Variants in CDK5RAP1 observed in about 807,000 individuals in gnomAD.
CDK5RAP1 encodes the protein CDK5RAP1 mitochondrial tRNA methylthiotransferase.
CDK5RAP1 carries 62 observed loss-of-function variants against 64.5 expected under a neutral mutation model. The observed-to-expected ratio is 0.96, with a 90% confidence interval of 0.78 to 1.19. CDK5RAP1 has a LOEUF of 1.19. Among genes scored for constraint, CDK5RAP1 ranks in the 50% most tolerant of loss-of-function variants. The pLI, the probability that CDK5RAP1 is intolerant of heterozygous loss-of-function variation, is 0.00. For missense variants in CDK5RAP1, 657 were observed against 735.0 expected, an observed-to-expected ratio of 0.89 and a Z score of 1.23; for synonymous variants, 250 against 261.9, an observed-to-expected ratio of 0.95 and a Z score of 0.44.
intron 11 of CDK5RAP1, 25 bp downstream of exon 11, chr20:33,370,474 A>C: frequency 6.2e-7 from 1 of 1,613,226 alleles, no homozygotes; most frequent in Non-Finnish European, 8.5e-7. Flanking sequence ...GAATGATGTC[A>C]GTCCTCCCCA....
chr20:33,400,260 C>A lies in CDK5RAP1; in HGVS notation c.-21+1168G>T, dbSNP rs200924496. 2.6e-5 allele frequency among the ~76,000 whole-genome samples: 4 copies of A among 152,216 alleles called. No individual in the cohort carries two copies. The East Asian group carries it at 7.7e-4, about 29-fold the overall frequency. On this transcript the variant is annotated intron_variant, in intron 1 of 13. Coordinates refer to ENST00000346416, the MANE Select transcript of CDK5RAP1 (RefSeq NM_016408.4). ...ATTCTACCACCTAGGGTTAGGGGAA[C>A]CCTGCTATACACGTGTAAAGAGCAG...
chr20:33,360,012 A>G (rs1184438970), intron 13 of CDK5RAP1: 6 of 220,002 alleles, frequency 2.7e-5, no homozygotes, highest in Non-Finnish European at 5.4e-5. Flanking sequence ...AGAGATCACA[A>G]AGAAAATGTT....
chr20:33,374,596 C>T (rs934629430), intron 8 of CDK5RAP1, among the ~76,000 whole-genome samples: 1 of 151,422 alleles, frequency 6.6e-6, no homozygotes, highest in African/African-American at 2.4e-5. Context: ...CAGAGTATCA[C>T]TCCATTGCCC....
At chr20:33,392,454 T>G (rs901605281) in intron 4 of CDK5RAP1, among the ~76,000 whole-genome samples, 7 of 149,758 alleles carry the variant, frequency 4.7e-5, no homozygotes, top group African/African-American at 7.4e-5. Context: ...GAGATTTTTT[T>G]GGGGGGGATT....
At chr20:33,361,870 C>T (rs957377577) in intron 12 of CDK5RAP1, among the ~76,000 whole-genome samples, 2 of 148,214 alleles carry the variant, frequency 1.3e-5, no homozygotes, top group African/African-American at 2.5e-5. Flanking sequence ...GCAGGAGAAT[C>T]GCTTAAACCT....
intron 12 of CDK5RAP1, 26 bp downstream of exon 12, chr20:33,366,833 C>T (rs771589183): frequency 6.3e-7 from 1 of 1,584,990 alleles, no homozygotes; most frequent in Non-Finnish European, 8.6e-7. Flanking sequence ...TAAAAAACAA[C>T]ATAACACACA....
rs1987574068 is a variant in CDK5RAP1, at chr20:33,387,371, G to C, written c.707C>G (p.Ala236Gly). The C allele has an allele frequency of 6.2e-7, 1 of 1,614,148 alleles. No homozygotes were observed. Among genetic ancestry groups the C allele is most frequent in the East Asian group, 2.2e-5 (1 of 44,886 alleles). The change falls in exon 6 of 14, where the codon GCT (alanine) becomes GGT (glycine). Residue 236 changes from alanine to glycine, a missense_variant. Coordinates refer to ENST00000346416, the MANE Select transcript of CDK5RAP1 (RefSeq NM_016408.4). Reference protein sequence around the residue: ...NVLLSLDETYADVMPVQTSAS... With the variant: ...NVLLSLDETYGDVMPVQTSAS... ...GCTTGTCTGGACTGGCATGACATCA[G>C]CATAGGTCTCGTCCAGAGAGAGCAG...
intron 12 of CDK5RAP1, among the ~76,000 whole-genome samples, chr20:33,365,426 C>T (rs191864192): frequency 6.6e-6 from 1 of 151,880 alleles, no homozygotes; most frequent in African/African-American, 2.4e-5. Context: ...TGTGCACCAC[C>T]ATACCCAACT....
At chr20:33,362,031 G>A (rs1983036484) in intron 12 of CDK5RAP1, among the ~76,000 whole-genome samples, 1 of 151,320 alleles carries the variant, frequency 6.6e-6, no homozygotes, top group South Asian at 2.1e-4. Context: ...ACAATATCAA[G>A]TGGTGGGACA....
At chr20:33,376,234 G>A (rs1428447127) in intron 8 of CDK5RAP1, among the ~76,000 whole-genome samples, 1 of 152,114 alleles carries the variant, frequency 6.6e-6, no homozygotes, top group Non-Finnish European at 1.5e-5. Context: ...CAAGGCAGGA[G>A]AACTGCTTGA....
At chr20:33,388,534 C>T (rs1370008974) in intron 5 of CDK5RAP1, among the ~76,000 whole-genome samples, 3 of 98,158 alleles carry the variant, frequency 3.1e-5, no homozygotes, top group Non-Finnish European at 6.2e-5. Flanking sequence ...CTCCCTCTCC[C>T]CCTCTCCCTC....
intron 12 of CDK5RAP1, among the ~76,000 whole-genome samples, chr20:33,362,033 G>A (rs1307952944): frequency 6.6e-6 from 1 of 151,822 alleles, no homozygotes; most frequent in Non-Finnish European, 1.5e-5. Context: ...AATATCAAGT[G>A]GTGGGACATA....
At position 33,401,501 on chromosome 20, in the gene CDK5RAP1, C is replaced by A. The variant is rs1989418325; in HGVS notation, c.-94G>T. The A allele has an allele frequency of 2.0e-6, 2 of 985,312 alleles. No homozygotes were observed. The highest frequency in any genetic ancestry group is 4.7e-5 in the South Asian group (1 of 21,288). 61.0% of individuals were successfully genotyped at this position (985,312 alleles called of 1,614,324 possible). ...GGCAAGTCGGATCCCCTCACAGGTCCGCCGCTGCGTTCATACACAAGCGAC... is the reference window on the plus strand; with the variant it reads ...GGCAAGTCGGATCCCCTCACAGGTCAGCCGCTGCGTTCATACACAAGCGAC... On this transcript the variant is annotated 5_prime_UTR_variant, in exon 1 of 14. Transcript: ENST00000346416.
intron 12 of CDK5RAP1, among the ~76,000 whole-genome samples, chr20:33,361,814 G>A (rs1015366566): frequency 4.6e-5 from 7 of 151,964 alleles, no homozygotes; most frequent in African/African-American, 1.7e-4. Context: ...AAATTAGCCG[G>A]GTGTGGTGGC....
intron 9 of CDK5RAP1, 57 bp from the exon 10 acceptor site, chr20:33,372,754 G>T: frequency 1.8e-6 from 2 of 1,101,186 alleles, no homozygotes; most frequent in Non-Finnish European, 1.4e-6. Context: ...TTAAATGAAT[G>T]CTATAAAAAG....
chr20:33,366,109 A>G (rs1460797930), intron 12 of CDK5RAP1, among the ~76,000 whole-genome samples: 4 of 152,150 alleles, frequency 2.6e-5, no homozygotes, highest in Non-Finnish European at 5.9e-5. Context: ...ACCTGAGGTC[A>G]GGAGTTTGAG....
intron 8 of CDK5RAP1, among the ~76,000 whole-genome samples, chr20:33,379,187 C>T (rs1456667090): frequency 1.3e-5 from 2 of 152,114 alleles, no homozygotes; most frequent in East Asian, 1.9e-4. Flanking sequence ...GACGGGGTTT[C>T]GCCATGTTGC....
intron 8 of CDK5RAP1, among the ~76,000 whole-genome samples, chr20:33,376,202 G>A (rs1011832608): frequency 6.6e-6 from 1 of 152,130 alleles, no homozygotes; most frequent in African/African-American, 2.4e-5. Flanking sequence ...GTGCATGCCT[G>A]TAGTCCCAGC....
At chr20:33,372,514 AAAG>A (rs1200655430) in intron 10 of CDK5RAP1, 125 bp downstream of exon 10, 5 of 515,248 alleles carry the variant, frequency 9.7e-6, no homozygotes, top group East Asian at 3.1e-5. Flanking sequence ...AGAGAAAGAG[AAAG>A]AAGAAGAGCA....
Sources: gnomAD v4.1 joint callset for allele counts (sites outside exome capture counted in the v4.1 genomes callset) on GRCh38, gnomAD v4.1.1 for gene constraint, MANE v1.5 for transcripts, NCBI Gene and HGNC (gene_info 2026-07-23, HGNC 2026-07-21) for gene names.